CD8B: variants seen among roughly 807,000 people sequenced by gnomAD.
CD8B encodes CD8 subunit beta.
In CD8B, 6 loss-of-function variants were observed where a neutral mutation model predicts 24.2. The ratio of observed to expected loss-of-function variants is 0.25; its 90% CI spans 0.14 to 0.49. CD8B has a LOEUF of 0.49. CD8B is among the 20% of genes least tolerant of loss of function. The pLI is 0.98. For synonymous variants in CD8B, 84 were observed against 108.3 expected, an observed-to-expected ratio of 0.78 and a Z score of 1.39; for missense variants, 196 against 271.3, an observed-to-expected ratio of 0.72 and a Z score of 1.95.
intron 2 of CD8B, among the ~76,000 whole-genome samples, chr2:86,856,081 T>C (rs1407125706): frequency 6.6e-6 from 1 of 152,200 alleles, no homozygotes; most frequent in Admixed American, 6.5e-5. Flanking sequence ...AAAAGGCCTT[T>C]CTTGGGTGAG....
chr2:86,828,012 T>C (rs541785137), intron 5 of CD8B, among the ~76,000 whole-genome samples: 1 of 152,298 alleles, frequency 6.6e-6, no homozygotes, highest in African/African-American at 2.4e-5. Context: ...ACTATTTGAG[T>C]AAAGTCCTAT....
chr2:86,842,703 G>A (rs1675492973), intron 5 of CD8B, among the ~76,000 whole-genome samples: 1 of 152,208 alleles, frequency 6.6e-6, no homozygotes, highest in Non-Finnish European at 1.5e-5. Flanking sequence ...AGATCTGTGA[G>A]CACCACAGGC....
chr2:86,825,352 C>T (rs148465060), intron 5 of CD8B, among the ~76,000 whole-genome samples: 12 of 152,144 alleles, frequency 7.9e-5, no homozygotes, highest in African/African-American at 1.9e-4. Context: ...TGAGGATCAC[C>T]GTCCTCCAGG....
In CD8B at chr2:86,859,397, C is replaced by T. The variant is rs1454726135; in HGVS notation, c.44-981G>A. Among the ~76,000 whole-genome samples, 17 of 152,256 alleles carry T rather than the reference C, an allele frequency of 1.1e-4. No individual in the cohort carries two copies. In the South Asian group the frequency reaches 1.7e-3, roughly 15 times the overall value. On this transcript the variant is annotated intron_variant, in intron 1 of 5. Coordinates refer to ENST00000390655, the MANE Select transcript of CD8B (RefSeq NM_004931.5). ...CCTGGCCCTGAACCCAGCCTCTGGC[C>T]GTGCCAGCTGTGAGACCTCAGGCCA...
At chr2:86,824,802 T>C (rs1674612623) in intron 5 of CD8B, among the ~76,000 whole-genome samples, 1 of 152,218 alleles carries the variant, frequency 6.6e-6, no homozygotes, top group East Asian at 1.9e-4. Context: ...GCTTTTCCTT[T>C]ACTTCATTGC....
intron 5 of CD8B, among the ~76,000 whole-genome samples, chr2:86,828,926 C>CTT (rs61058421): frequency 5.6e-4 from 82 of 145,472 alleles, no homozygotes; most frequent in African/African-American, 1.6e-3. Context: ...CATACACACT[C>CTT]TTTTTTTTTT....
chr2:86,854,498 A>C (rs1301741532), intron 2 of CD8B, among the ~76,000 whole-genome samples: 1 of 152,192 alleles, frequency 6.6e-6, no homozygotes, highest in Non-Finnish European at 1.5e-5. Flanking sequence ...TGCAGCCCCA[A>C]GTGGTGAGTG....
At chr2:86,856,869 A>C (rs1676294249) in intron 2 of CD8B, among the ~76,000 whole-genome samples, 1 of 151,040 alleles carries the variant, frequency 6.6e-6, no homozygotes, top group Non-Finnish European at 1.5e-5. Context: ...ATATTTCAGC[A>C]ATACTTTTTA....
intron 5 of CD8B, among the ~76,000 whole-genome samples, chr2:86,817,540 G>GA (rs1389062086): frequency 2.6e-5 from 4 of 152,036 alleles, no homozygotes; most frequent in Non-Finnish European, 5.9e-5. Flanking sequence ...TGTACACTCT[G>GA]ACATTATTTA....
At chr2:86,853,732 G>A (rs967695593) in intron 2 of CD8B, among the ~76,000 whole-genome samples, 2 of 151,914 alleles carry the variant, frequency 1.3e-5, no homozygotes, top group African/African-American at 4.8e-5. Context: ...TTGAGACAAA[G>A]TCTCGCTCTG....
In CD8B at chr2:86,841,920, A is replaced by T. The variant is rs1043917831; in HGVS notation, c.*387T>A. The stretch of plus-strand genomic sequence containing the variant: ...CCAGCCCAGCATCACCCCATGAAAG[A>T]CCCAGGACCCAATGTTACTGCCCTA... On this transcript the variant is annotated 3_prime_UTR_variant, in exon 6 of 6. Transcript: ENST00000390655. The T allele has an allele frequency of 1.0e-6, 1 of 1,004,884 alleles. No individual in the cohort carries two copies. Among genetic ancestry groups the T allele is most frequent in the Non-Finnish European group, 1.2e-6 (1 of 843,234 alleles). 62.2% of individuals were successfully genotyped at this position (1,004,884 alleles called of 1,614,324 possible).
At chr2:86,861,510 G>C (rs1676589522) in intron 1 of CD8B, among the ~76,000 whole-genome samples, 1 of 152,198 alleles carries the variant, frequency 6.6e-6, no homozygotes, top group Non-Finnish European at 1.5e-5. Context: ...TTCCCCTGGT[G>C]ACCTCCAGCG....
chr2:86,850,841 A>G (rs2104563643), intron 3 of CD8B, among the ~76,000 whole-genome samples: 1 of 152,310 alleles, frequency 6.6e-6, no homozygotes, highest in Admixed American at 6.5e-5. Context: ...CTGTAATCCC[A>G]GCACTTTGGG....
At position 86,838,621 on chromosome 2, in the gene CD8B, C is replaced by G. The variant is rs1328474930; in HGVS notation, c.*3686G>C. Among the ~76,000 whole-genome samples the G allele has an allele frequency of 6.6e-6, 1 of 152,106 alleles. No individual in the cohort carries two copies. The highest frequency in any genetic ancestry group is 1.5e-5 in the Non-Finnish European group (1 of 68,022). ...TCAGGAGATCCTCCCACCTCATCCT[C>G]CCTAATAGCTGGGACTACAGGCAAG... On this transcript the variant is annotated 3_prime_UTR_variant, in exon 6 of 6. Transcript: ENST00000390655.
chr2:86,843,564 GATATAA>G, intron 5 of CD8B: 1 of 982,826 alleles, frequency 1.0e-6, no homozygotes, highest in Non-Finnish European at 1.2e-6. Flanking sequence ...AGCCACTCTC[GATATAA>G]ATATAATGTG....
chr2:86,822,338 C>T, intron 5 of CD8B: 4 of 1,586,924 alleles, frequency 2.5e-6, no homozygotes, highest in Admixed American at 1.7e-5. Context: ...TTCAGTAGTC[C>T]ATTCTGGAAC....
At chr2:86,818,600 A>C (rs1674349163) in intron 5 of CD8B, among the ~76,000 whole-genome samples, 1 of 152,196 alleles carries the variant, frequency 6.6e-6, no homozygotes, top group Admixed American at 6.5e-5. Context: ...CATTTATGAC[A>C]GTGAACTTGA....
At position 86,858,392 on chromosome 2, in the gene CD8B, T is replaced by C; in HGVS notation, c.68A>G (p.Gln23Arg). The C allele has an allele frequency of 6.3e-7, 1 of 1,599,052 alleles. No individual in the cohort carries two copies. Among genetic ancestry groups the C allele is most frequent in the Non-Finnish European group, 8.5e-7 (1 of 1,170,426 alleles). The change falls in exon 2 of 6, where the codon CAG (glutamine) becomes CGG (arginine). Residue 23 changes from glutamine to arginine, a missense_variant. Transcript: ENST00000390655. ...CACCTTTATGTATGCAGGGGTCTGC[T>C]GGAGGACTGAGTTGCCATGGAGAAC... Reference protein sequence around the residue: ...LTVLHGNSVLQQTPAYIKVQT... With the variant: ...LTVLHGNSVLRQTPAYIKVQT...
Position 86,844,707 on chromosome 2 carries a change from A to G in CD8B, c.620+215T>C, listed in dbSNP as rs551674183. The G allele has an allele frequency of 8.4e-5, 126 of 1,493,926 alleles. 1 individual carries two copies. The South Asian group carries it at 1.3e-3, about 15-fold the overall frequency. 92.5% of individuals were successfully genotyped at this position (1,493,926 alleles called of 1,614,324 possible). ...GCCCAGGCTGGAGTGCAGTGGTACC[A>G]TCATAGCTCACTGCAGCCTTGAACT... On this transcript the variant is annotated intron_variant, in intron 5 of 5. Coordinates refer to ENST00000390655, the MANE Select transcript of CD8B (RefSeq NM_004931.5).
Sources: allele counts gnomAD v4.1 joint callset (sites outside exome capture counted in the v4.1 genomes callset), GRCh38; gene constraint gnomAD v4.1.1; transcripts MANE v1.5; gene names NCBI Gene and HGNC (gene_info 2026-07-23, HGNC 2026-07-21).